KIAA0825: variants seen among roughly 807,000 people sequenced by gnomAD.
The protein encoded by KIAA0825 is KIAA0825.
In KIAA0825, 119 loss-of-function variants were observed where a neutral mutation model predicts 147.6. The ratio of observed to expected loss-of-function variants is 0.81; its 90% CI spans 0.69 to 0.94. The LOEUF (loss-of-function observed/expected upper bound fraction) is 0.94, where lower values mean the gene tolerates loss of function less well. KIAA0825 is among the 40% of genes least tolerant of loss of function. The pLI, the probability that KIAA0825 is intolerant of heterozygous loss-of-function variation, is 0.00. For missense variants in KIAA0825, 1,381 were observed against 1,472.7 expected, an observed-to-expected ratio of 0.94 and a Z score of 1.02; for synonymous variants, 470 against 518.1, an observed-to-expected ratio of 0.91 and a Z score of 1.26.
chr5:94,396,566 T>C, intron 16 of KIAA0825, 57 bp from the exon 17 acceptor site: 1 of 1,373,486 alleles, frequency 7.3e-7, no homozygotes, highest in Non-Finnish European at 9.7e-7. Context: ...AATCACTGCA[T>C]GGTTTTGTGT....
intron 2 of KIAA0825, among the ~76,000 whole-genome samples, chr5:94,576,006 T>C (rs910608770): frequency 3.3e-5 from 5 of 152,092 alleles, no homozygotes; most frequent in African/African-American, 1.2e-4. Context: ...TAAGAAGGCA[T>C]AGCAAATTAG....
At chr5:94,483,224 A>G (rs58561320) in intron 6 of KIAA0825, among the ~76,000 whole-genome samples, 7,585 of 152,080 alleles carry the variant, frequency 0.05, 619 homozygotes, top group African/African-American at 0.17. Flanking sequence ...GCTGACTTTA[A>G]GAAGAATAAA....
intron 1 of KIAA0825, among the ~76,000 whole-genome samples, chr5:94,613,356 C>A (rs769163738): frequency 3.3e-5 from 5 of 152,014 alleles, no homozygotes; most frequent in Non-Finnish European, 7.4e-5. Flanking sequence ...ACGACCACAC[C>A]CAGCTAATTT....
chr5:94,402,550 T>C lies in KIAA0825; in HGVS notation c.2887+1019A>G, dbSNP rs1584387805. Among the ~76,000 whole-genome samples, 5 of 151,948 alleles carry C rather than the reference T, an allele frequency of 3.3e-5. 1 individual carries two copies. Among genetic ancestry groups the C allele is most frequent in the Admixed American group, 2.6e-4 (4 of 15,240 alleles). ...ACTATGAAAGGTCACAGATAGATAA[T>C]TGATTTGAGTTTGTAATATAAGGTC... On this transcript the variant is annotated intron_variant, in intron 16 of 20. Coordinates refer to ENST00000682413, the MANE Select transcript of KIAA0825 (RefSeq NM_001145678.3).
At chr5:94,564,994 C>T (rs1016347229) in intron 2 of KIAA0825, among the ~76,000 whole-genome samples, 2 of 121,722 alleles carry the variant, frequency 1.6e-5, no homozygotes, top group African/African-American at 6.4e-5. Context: ...TTCTCTTCTC[C>T]TCTCTCTCTC....
At chr5:94,349,940 G>C (rs562457373) in intron 20 of KIAA0825, among the ~76,000 whole-genome samples, 1 of 152,170 alleles carries the variant, frequency 6.6e-6, no homozygotes, top group East Asian at 1.9e-4. Context: ...GATCAGAGCA[G>C]AACTAAATGA....
chr5:94,465,043 A>T lies in KIAA0825; in HGVS notation c.1889T>A (p.Phe630Tyr). 1 of 1,551,484 alleles carries T rather than the reference A, an allele frequency of 6.4e-7. No individual in the cohort carries two copies. Among genetic ancestry groups the T allele is most frequent in the Non-Finnish European group, 8.7e-7 (1 of 1,146,854 alleles). ...KAFYEGERCSFSIQMWHYFCW... is the reference protein window; with the variant it reads ...KAFYEGERCSYSIQMWHYFCW... The stretch of plus-strand genomic sequence containing the variant: ...GAAATAATGCCACATCTGGATCGAG[A>T]AGGAACATCTTTCCCCCTGGCAAAG... The change falls in exon 11 of 21, where the codon TTC becomes TAC. Residue 630 changes from phenylalanine (F) to tyrosine (Y), a missense_variant. Transcript: ENST00000682413.
At chr5:94,579,083 G>A (rs143966526) in intron 2 of KIAA0825, among the ~76,000 whole-genome samples, 1,907 of 152,150 alleles carry the variant, frequency 0.013, 37 homozygotes, top group African/African-American at 0.043. Context: ...CACCACACCC[G>A]GCTAATTTTT....
intron 18 of KIAA0825, among the ~76,000 whole-genome samples, chr5:94,388,883 T>G (rs1417781849): frequency 6.6e-6 from 1 of 152,198 alleles, no homozygotes; most frequent in Non-Finnish European, 1.5e-5. Context: ...TATTCATCAT[T>G]TCTCCATTTC....
At chr5:94,256,602 T>C (rs796920722) in intron 20 of KIAA0825, among the ~76,000 whole-genome samples, 15 of 152,298 alleles carry the variant, frequency 9.8e-5, no homozygotes, top group African/African-American at 3.6e-4. Flanking sequence ...TTTAAAGTAT[T>C]ATTAATAAAT....
intron 14 of KIAA0825, among the ~76,000 whole-genome samples, chr5:94,425,601 A>AC (rs1754756068): frequency 6.6e-6 from 1 of 152,078 alleles, no homozygotes; most frequent in South Asian, 2.1e-4. Context: ...ACAGAGTGAG[A>AC]CCCCATCTCA....
chr5:94,397,691 T>G (rs1750854953), intron 16 of KIAA0825, among the ~76,000 whole-genome samples: 1 of 152,162 alleles, frequency 6.6e-6, no homozygotes, highest in South Asian at 2.1e-4. Flanking sequence ...ACCCACTAGA[T>G]GTCAGTAGCA....
At chr5:94,247,644 A>G (rs1360578206) in intron 20 of KIAA0825, among the ~76,000 whole-genome samples, 3 of 152,160 alleles carry the variant, frequency 2.0e-5, no homozygotes, top group Non-Finnish European at 4.4e-5. Context: ...GTCCAACTCC[A>G]TCACTAGACA....
Position 94,375,280 on chromosome 5 carries a change from C to T in KIAA0825, c.3710+9088G>A, listed in dbSNP as rs903527066. On this transcript the variant is annotated intron_variant, in intron 20 of 20. Coordinates refer to ENST00000682413, the MANE Select transcript of KIAA0825 (RefSeq NM_001145678.3). ...TCTCCTGACCTCGTGATCTGCCCAC[C>T]TCGGCCTCCCAAAGCTCTGGGATTA... 2.0e-5 allele frequency among the ~76,000 whole-genome samples: 3 copies of T among 152,042 alleles called. No homozygotes were observed. The South Asian group carries it at 6.2e-4, about 32-fold the overall frequency.
intron 20 of KIAA0825, among the ~76,000 whole-genome samples, chr5:94,383,011 T>C (rs1748619784): frequency 6.6e-6 from 1 of 152,230 alleles, no homozygotes; most frequent in African/African-American, 2.4e-5. Context: ...AGACATTTAA[T>C]ATTGTATAAA....
At chr5:94,406,645 T>G (rs1278608371) in intron 15 of KIAA0825, among the ~76,000 whole-genome samples, 1 of 152,150 alleles carries the variant, frequency 6.6e-6, no homozygotes, top group Admixed American at 6.5e-5. Flanking sequence ...CTTGCAACAA[T>G]CCAAGGAGAA....
At chr5:94,216,575 G>A (rs572468504) in intron 20 of KIAA0825, among the ~76,000 whole-genome samples, 2 of 152,222 alleles carry the variant, frequency 1.3e-5, no homozygotes, top group Admixed American at 6.5e-5. Context: ...CAGGGCTCCC[G>A]TTCATACTAA....
intron 20 of KIAA0825, among the ~76,000 whole-genome samples, chr5:94,356,505 G>A (rs917510154): frequency 4.6e-5 from 7 of 150,980 alleles, no homozygotes; most frequent in African/African-American, 1.5e-4. Flanking sequence ...CCAGCTACTC[G>A]GGAGGCTGAG....
chr5:94,578,806 A>G (rs1781533837), intron 2 of KIAA0825, among the ~76,000 whole-genome samples: 1 of 152,234 alleles, frequency 6.6e-6, no homozygotes, highest in African/African-American at 2.4e-5. Flanking sequence ...GATTTTCAGC[A>G]GCTCTGAGAT....
Sources: gnomAD v4.1 joint callset for allele counts (sites outside exome capture counted in the v4.1 genomes callset) on GRCh38, gnomAD v4.1.1 for gene constraint, MANE v1.5 for transcripts, NCBI Gene and HGNC (gene_info 2026-07-23, HGNC 2026-07-21) for gene names.